Variants in GSN observed in about 807,000 individuals in gnomAD.
GSN encodes the protein gelsolin.
A neutral mutation model predicts 85.7 loss-of-function variants in GSN; 56 were observed. The observed-to-expected ratio is 0.65, with a 90% CI of 0.53 to 0.82. The LOEUF is 0.82. GSN is among the 40% of genes least tolerant of loss of function. The probability of loss-of-function intolerance (pLI) is 0.00; values close to 1 mark genes in which losing one functional copy is unlikely to be tolerated. For missense variants in GSN, 857 were observed against 979.8 expected (o/e 0.87, Z 1.67); for synonymous variants, 373 against 399.1 (o/e 0.93, Z 0.78).
Position 121,299,760 on chromosome 9 carries a change from T to TG in GSN, c.-9-2197dup. The TG allele has an allele frequency of 6.9e-6, 8 of 1,162,224 alleles. No homozygotes were observed. The highest frequency in any genetic ancestry group is 2.9e-5 in the South Asian group (1 of 34,980). 72.0% of individuals were successfully genotyped at this position (1,162,224 alleles called of 1,614,324 possible). A position where few individuals can be genotyped will look rare whatever the true frequency, so the allele number is the denominator to read the frequency against. On this transcript the variant is annotated intron_variant, in intron 2 of 17. Coordinates refer to ENST00000432226, the MANE Select transcript of GSN (RefSeq NM_198252.3). The surrounding 1 kb of genome is among the most constrained non-coding windows in gnomAD (Gnocchi z 4.2). The stretch of plus-strand genomic sequence containing the variant: ...ACAGATCCCCGCCCCGCGCCCTCCC[T>TG]GGGGGGCGGTCCCCGGCTTGGGCGG...
intron 6 of GSN, among the ~76,000 whole-genome samples, chr9:121,256,421 C>G (rs1434724548): frequency 6.6e-6 from 1 of 152,050 alleles, no homozygotes; most frequent in Non-Finnish European, 1.5e-5. Context: ...GTGAAATAAG[C>G]CAGGCACAGA....
intron 2 of GSN, among the ~76,000 whole-genome samples, chr9:121,297,276 T>C (rs1207052390): frequency 6.6e-6 from 1 of 152,252 alleles, no homozygotes; most frequent in East Asian, 1.9e-4. Context: ...TTTTTTCGGC[T>C]AGTATATTAA....
chr9:121,295,894 C>T (rs867229026), intron 2 of GSN, among the ~76,000 whole-genome samples: 1 of 152,214 alleles, frequency 6.6e-6, no homozygotes, highest in Non-Finnish European at 1.5e-5. Flanking sequence ...AGGGCTGCCT[C>T]CAAATCAAAG....
Position 121,255,105 on chromosome 9 carries a change from C to T in GSN, c.-341+6782C>T, listed in dbSNP as rs375445337. ...CTGGGACTACAGGCGCCCGCCACCA[C>T]GCCCGGCTAATTTTTTGTATTTTTA... is the stretch of plus-strand genomic sequence containing the variant. On this transcript the variant is annotated intron_variant, in intron 6 of 24. Transcript: ENST00000373823. Among the ~76,000 whole-genome samples, 109 of 152,228 alleles carry T rather than the reference C, an allele frequency of 7.2e-4. 2 individuals carry two copies. In the East Asian group the frequency reaches 0.019, roughly 26 times the overall value.
upstream of GSN, among the ~76,000 whole-genome samples, chr9:121,207,068 T>G (rs116326965): frequency 1.5e-4 from 23 of 152,392 alleles, no homozygotes; most frequent in African/African-American, 5.3e-4. Flanking sequence ...GATATCTAAA[T>G]TATTTCTTTA....
rs570523796 is a variant in GSN, at chr9:121,261,477, C to T, written c.-340-3677C>T. 1.3e-5 allele frequency among the ~76,000 whole-genome samples: 2 copies of T among 152,360 alleles called. No homozygotes were observed. Among genetic ancestry groups the T allele is most frequent in the South Asian group, 4.1e-4 (2 of 4,834 alleles). ...GGTTCCAGTCCCAGCTCTGCCATTC[C>T]CTAGTTGTGAAATGTAAATAAGAGA... On this transcript the variant is annotated intron_variant, in intron 6 of 24. Coordinates refer to the GSN transcript ENST00000373823. The surrounding 1 kb of genome is among the most constrained non-coding windows in gnomAD (Gnocchi z 4.1).
At chr9:121,238,363 G>C (rs2054538629) in intron 5 of GSN, among the ~76,000 whole-genome samples, 1 of 152,208 alleles carries the variant, frequency 6.6e-6, no homozygotes, top group Non-Finnish European at 1.5e-5. Flanking sequence ...AGAAGGACTA[G>C]ACTGGCTTAG....
chr9:121,269,521 G>A (rs1041199565), intron 1 of GSN, among the ~76,000 whole-genome samples: 1 of 152,130 alleles, frequency 6.6e-6, no homozygotes, highest in Non-Finnish European at 1.5e-5. Context: ...ATACACACTT[G>A]GGGGTGCTGG....
chr9:121,306,935 CT>C (rs961755291), intron 4 of GSN, among the ~76,000 whole-genome samples: 2 of 152,214 alleles, frequency 1.3e-5, no homozygotes, highest in Non-Finnish European at 2.9e-5. Context: ...AATCCCAACA[CT>C]TTGGGAGGCC....
chr9:121,328,862 T>C, intron 14 of GSN, 29 bp from the exon 15 acceptor site: 1 of 1,608,752 alleles, frequency 6.2e-7, no homozygotes, highest in Non-Finnish European at 8.5e-7. Flanking sequence ...ATGGCGTCCC[T>C]TGGCAACTGG....
At chr9:121,250,049 G>T (rs1311944371) in intron 6 of GSN, among the ~76,000 whole-genome samples, 1 of 152,204 alleles carries the variant, frequency 6.6e-6, no homozygotes, top group Non-Finnish European at 1.5e-5. Context: ...AAGCCGGGAT[G>T]TAAGTCTAGC....
At chr9:121,224,360 A>C (rs2054232401) in intron 4 of GSN, among the ~76,000 whole-genome samples, 1 of 152,154 alleles carries the variant, frequency 6.6e-6, no homozygotes, top group Admixed American at 6.5e-5. Flanking sequence ...CGGCCTCCCA[A>C]AGTGCTGGGA....
At chr9:121,235,294 C>G (rs2054471254) in intron 5 of GSN, among the ~76,000 whole-genome samples, 1 of 152,200 alleles carries the variant, frequency 6.6e-6, no homozygotes, top group Non-Finnish European at 1.5e-5. Context: ...ATCAAGATAC[C>G]TGATGCTTTC....
chr9:121,270,218 G>T (rs1255917639), intron 1 of GSN, among the ~76,000 whole-genome samples: 2 of 152,144 alleles, frequency 1.3e-5, no homozygotes, highest in Non-Finnish European at 2.9e-5. Context: ...GTGGTGGGAG[G>T]TTGAGAATCT....
chr9:121,236,725 C>A (rs1027853597), intron 5 of GSN, among the ~76,000 whole-genome samples: 1 of 152,164 alleles, frequency 6.6e-6, no homozygotes, highest in Non-Finnish European at 1.5e-5. Context: ...TAGAAGACAG[C>A]TCAGGGCTTG....
upstream of GSN, among the ~76,000 whole-genome samples, chr9:121,204,808 C>T (rs2053856160): frequency 6.6e-6 from 1 of 152,046 alleles, no homozygotes; most frequent in Non-Finnish European, 1.5e-5. Context: ...GAATGAGGCC[C>T]ATGTATATGT....
At chr9:121,267,614 C>T (rs117742891), upstream of GSN, among the ~76,000 whole-genome samples, 1 of 152,266 alleles carries the variant, frequency 6.6e-6, no homozygotes, top group East Asian at 1.9e-4. Flanking sequence ...GCTTAATGGT[C>T]CACTTTAAGG....
chr9:121,270,405 C>CT (rs2055767272), intron 1 of GSN, among the ~76,000 whole-genome samples: 1 of 152,148 alleles, frequency 6.6e-6, no homozygotes. Flanking sequence ...CCTGAGGAGG[C>CT]TGTTGCATGA....
chr9:121,271,675 C>G (rs2055986293), intron 1 of GSN, among the ~76,000 whole-genome samples: 1 of 152,170 alleles, frequency 6.6e-6, no homozygotes, highest in Non-Finnish European at 1.5e-5. Flanking sequence ...GGGTGGGTGT[C>G]GGTGTGCAGA....
Sources: allele counts gnomAD v4.1 joint callset (sites outside exome capture counted in the v4.1 genomes callset), GRCh38; gene constraint gnomAD v4.1.1; non-coding constraint Gnocchi (gnomAD v3.1); transcripts MANE v1.5; gene names NCBI Gene and HGNC (gene_info 2026-07-23, HGNC 2026-07-21).